DCC: variants seen among roughly 807,000 people sequenced by gnomAD.
The protein encoded by DCC is netrin receptor DCC.
DCC carries 58 observed loss-of-function variants against 172.5 expected under a neutral mutation model. The ratio of observed to expected loss-of-function variants is 0.34; its 90% confidence interval spans 0.27 to 0.42. The LOEUF is 0.42. Ranked by LOEUF, DCC falls within the 10% of genes least tolerant of loss-of-function variation. The probability of loss-of-function intolerance (pLI) is 1.00; values close to 1 mark genes in which losing one functional copy is unlikely to be tolerated. For missense variants in DCC, 1,740 were observed against 1,791.0 expected (o/e 0.97, Z 0.51); for synonymous variants, 709 against 644.5 (o/e 1.10, Z -1.52).
rs533618333 is a variant in DCC at position 53,395,419 on chromosome 18, T to G, written c.2689-1889T>G. Reference sequence around the variant, plus strand: ...AAACTGTTTTTATTGAGATATGATCTTTCCCTCTTACCTAAAATACTTCTT... The same window carrying G: ...AAACTGTTTTTATTGAGATATGATCGTTCCCTCTTACCTAAAATACTTCTT... On this transcript the variant is annotated intron_variant, in intron 17 of 28. Transcript: ENST00000442544. 3.3e-5 allele frequency among the ~76,000 whole-genome samples: 5 copies of G among 152,286 alleles called. No homozygotes were observed. In the East Asian group the frequency reaches 9.7e-4, roughly 29 times the overall value.
chr18:52,421,650 C>G (rs1390696797), intron 1 of DCC, among the ~76,000 whole-genome samples: 1 of 152,168 alleles, frequency 6.6e-6, no homozygotes, highest in Non-Finnish European at 1.5e-5. Context: ...GGCACTTGAG[C>G]CTTCACTGAA....
intron 1 of DCC, among the ~76,000 whole-genome samples, chr18:52,486,677 TAG>T (rs1490486590): frequency 6.6e-6 from 1 of 152,174 alleles, no homozygotes; most frequent in African/African-American, 2.4e-5. Flanking sequence ...ATCGTAAAGA[TAG>T]AATACGAACC....
intron 2 of DCC, among the ~76,000 whole-genome samples, chr18:52,797,306 G>A (rs556172278): frequency 3.4e-4 from 51 of 152,178 alleles, no homozygotes; most frequent in Non-Finnish European, 6.3e-4. Context: ...TCTTTTGGAG[G>A]CATCATGTTT....
intron 27 of DCC, among the ~76,000 whole-genome samples, chr18:53,516,667 C>T (rs1331448814): frequency 2.0e-5 from 3 of 150,710 alleles, no homozygotes; most frequent in Non-Finnish European, 4.4e-5. Flanking sequence ...CAAAAGAACA[C>T]ATTTATGCAG....
chr18:52,356,788 A>AT (rs35219447), intron 1 of DCC, among the ~76,000 whole-genome samples: 23,030 of 148,846 alleles, frequency 0.15, 2,099 homozygotes, highest in South Asian at 0.26. Flanking sequence ...AACCTAAATC[A>AT]TTTTTTTTTT....
At chr18:53,276,830 T>C (rs549773485) in intron 12 of DCC, among the ~76,000 whole-genome samples, 2 of 152,200 alleles carry the variant, frequency 1.3e-5, no homozygotes, top group South Asian at 2.1e-4. Context: ...TTTAAGATAT[T>C]GATGAAGCAA....
chr18:52,681,575 A>G (rs1400525199), intron 1 of DCC, among the ~76,000 whole-genome samples: 6 of 152,056 alleles, frequency 3.9e-5, no homozygotes, highest in African/African-American at 1.2e-4. Context: ...TGAAGTAGGG[A>G]GCATTTCTGA....
intron 2 of DCC, among the ~76,000 whole-genome samples, chr18:52,815,090 A>T (rs1366255315): frequency 1.3e-5 from 2 of 152,220 alleles, no homozygotes; most frequent in South Asian, 2.1e-4. Context: ...ATTGTAGGCC[A>T]AATATAGTAA....
chr18:52,750,065 G>A (rs1238266289), intron 1 of DCC, among the ~76,000 whole-genome samples: 1 of 152,110 alleles, frequency 6.6e-6, no homozygotes, highest in South Asian at 2.1e-4. Flanking sequence ...ACATGGGAAA[G>A]GTATTTTCAG....
chr18:52,678,292 G>A (rs549543297), intron 1 of DCC, among the ~76,000 whole-genome samples: 5 of 152,116 alleles, frequency 3.3e-5, no homozygotes, highest in South Asian at 4.2e-4. Context: ...CATACTCCTG[G>A]GATGATCTAT....
At chr18:52,887,970 T>C (rs1396129006) in intron 2 of DCC, among the ~76,000 whole-genome samples, 1 of 152,200 alleles carries the variant, frequency 6.6e-6, no homozygotes, top group Non-Finnish European at 1.5e-5. Flanking sequence ...AAAGAAAGTC[T>C]CTTAAGACAC....
At chr18:53,087,995 G>A (rs533080401) in intron 7 of DCC, among the ~76,000 whole-genome samples, 3 of 152,066 alleles carry the variant, frequency 2.0e-5, no homozygotes, top group Admixed American at 2.0e-4. Flanking sequence ...ATGCTGTTTT[G>A]GTTACTGTAG....
intron 2 of DCC, among the ~76,000 whole-genome samples, chr18:52,785,769 G>A (rs1343112804): frequency 1.3e-5 from 2 of 152,016 alleles, no homozygotes; most frequent in African/African-American, 4.8e-5. Context: ...CTTTAGTATT[G>A]ACCTTGGCTA....
chr18:53,076,089 C>A (rs191943998), intron 7 of DCC, among the ~76,000 whole-genome samples: 113 of 152,292 alleles, frequency 7.4e-4, no homozygotes, highest in African/African-American at 2.5e-3. Flanking sequence ...TTTCCCAACT[C>A]CTCTTAATGA....
rs534113189 is a variant in DCC at position 52,752,759 on chromosome 18, A to G, written c.412+385A>G. Among the ~76,000 whole-genome samples, 33 of 152,212 alleles carry G rather than the reference A, an allele frequency of 2.2e-4. 1 individual carries two copies. In the South Asian group the frequency reaches 4.4e-3, roughly 20 times the overall value. The stretch of plus-strand genomic sequence containing the variant: ...ATCTTTCCATTCCTTACCACGCCCC[A>G]TCTTCCCAAGCCTCTGGTAACCATT... On this transcript the variant is annotated intron_variant, in intron 2 of 28. Transcript: ENST00000442544.
intron 5 of DCC, among the ~76,000 whole-genome samples, chr18:53,022,069 T>G (rs1455622093): frequency 1.3e-5 from 2 of 152,232 alleles, no homozygotes; most frequent in Non-Finnish European, 2.9e-5. Context: ...TTACATAATT[T>G]ATGTCAGCAT....
chr18:53,085,282 T>C (rs1339609432), intron 7 of DCC, among the ~76,000 whole-genome samples: 8 of 151,920 alleles, frequency 5.3e-5, no homozygotes, highest in Non-Finnish European at 1.2e-4. Flanking sequence ...CAAGACCACA[T>C]AGAAGAAGAA....
At chr18:53,071,230 T>C (rs1196039446) in intron 7 of DCC, among the ~76,000 whole-genome samples, 2 of 152,226 alleles carry the variant, frequency 1.3e-5, no homozygotes, top group African/African-American at 4.8e-5. Flanking sequence ...ATTCCCTCTT[T>C]AGCAGTTAGT....
intron 1 of DCC, among the ~76,000 whole-genome samples, chr18:52,539,757 A>C (rs2032386842): frequency 6.6e-6 from 1 of 152,226 alleles, no homozygotes; most frequent in Non-Finnish European, 1.5e-5. Flanking sequence ...TAGAGAGTAG[A>C]CTTTGAGTAT....
Sources: gnomAD v4.1 joint callset for allele counts (sites outside exome capture counted in the v4.1 genomes callset) on GRCh38, gnomAD v4.1.1 for gene constraint, MANE v1.5 for transcripts, NCBI Gene and HGNC (gene_info 2026-07-23, HGNC 2026-07-21) for gene names.